NUDCD3: variants seen among roughly 807,000 people sequenced by gnomAD.
The protein encoded by NUDCD3 is NudC domain containing 3.
In NUDCD3, 13 loss-of-function variants were observed where a neutral mutation model predicts 39.7. The ratio of observed to expected loss-of-function variants is 0.33; its 90% CI spans 0.21 to 0.52. NUDCD3 has a LOEUF of 0.52. Among genes scored for constraint, NUDCD3 ranks in the 20% least tolerant of loss-of-function variants. NUDCD3 has a pLI of 0.96. For missense variants in NUDCD3, 453 were observed against 458.1 expected, an observed-to-expected ratio of 0.99 and a Z score of 0.10; for synonymous variants, 175 against 172.4, an observed-to-expected ratio of 1.02 and a Z score of -0.12.
rs150908966 is a variant in NUDCD3, at chr7:44,399,988, T to C, written c.786+4452A>G. Among the ~76,000 whole-genome samples, 1,055 of 152,240 alleles carry C rather than the reference T, an allele frequency of 6.9e-3. 33 individuals carry two copies. Among genetic ancestry groups the C allele is most frequent in the Admixed American group, 0.065 (989 of 15,286 alleles). On this transcript the variant is annotated intron_variant, in intron 4 of 5. Coordinates refer to ENST00000355451, the MANE Select transcript of NUDCD3 (RefSeq NM_015332.4). The stretch of plus-strand genomic sequence containing the variant: ...TGAAGAAGTGTATATGGAACGGCAT[T>C]CACCTCACATACAGCTACAACGACC...
chr7:44,480,920 C>G lies in NUDCD3; in HGVS notation c.509+4048G>C, dbSNP rs143288071. On this transcript the variant is annotated intron_variant, in intron 2 of 5. Transcript: ENST00000355451. ...TCATGTCACTGCATTCCAGTATGGGCAACAGAGCAAGACCCAGTATCAAAA... is the reference window on the plus strand; with the variant it reads ...TCATGTCACTGCATTCCAGTATGGGGAACAGAGCAAGACCCAGTATCAAAA... 6.1e-3 allele frequency among the ~76,000 whole-genome samples: 622 copies of G among 102,374 alleles called. 7 individuals are homozygous for G. The highest frequency in any genetic ancestry group is 0.023 in the African/African-American group (580 of 25,120). 67.2% of individuals were successfully genotyped at this position (102,374 alleles called of 152,430 possible).
intron 2 of NUDCD3, among the ~76,000 whole-genome samples, chr7:44,437,124 C>T (rs544326749): frequency 8.2e-4 from 114 of 139,238 alleles, no homozygotes; most frequent in Non-Finnish European, 8.4e-4. Flanking sequence ...GGCTGGAGTG[C>T]AATGGTGCGA....
intron 2 of NUDCD3, chr7:44,467,794 T>C (rs1298296994): frequency 1.3e-6 from 1 of 772,894 alleles, no homozygotes; most frequent in Non-Finnish European, 2.1e-6. Context: ...CTATTGTATA[T>C]AAGAAAAAAA....
At position 44,489,928 on chromosome 7, in the gene NUDCD3, A is replaced by G. The variant is rs539515537; in HGVS notation, c.192+481T>C. ...GGGTACGGAATTAAGCTCAAATAGA[A>G]ATTTTAATAAGCACTACATTGACAG... is the stretch of plus-strand genomic sequence containing the variant. On this transcript the variant is annotated intron_variant, in intron 1 of 5. Coordinates refer to ENST00000355451, the MANE Select transcript of NUDCD3 (RefSeq NM_015332.4). 2.0e-5 allele frequency: 3 copies of G among 153,122 alleles called. No homozygotes were observed. In the East Asian group the frequency reaches 5.8e-4, roughly 29 times the overall value. 9.5% of individuals were successfully genotyped at this position (153,122 alleles called of 1,614,324 possible). A position where few individuals can be genotyped will look rare whatever the true frequency, so the allele number is the denominator to read the frequency against.
intron 2 of NUDCD3, among the ~76,000 whole-genome samples, chr7:44,483,666 C>T (rs138710344): frequency 5.8e-4 from 88 of 152,294 alleles, no homozygotes; most frequent in Non-Finnish European, 8.4e-4. Flanking sequence ...ACTCTGCAAT[C>T]TTGCCCCTCC....
At position 44,427,559 on chromosome 7, in the gene NUDCD3, C is replaced by A; in HGVS notation, c.642+12G>T. 9.9e-6 allele frequency: 16 copies of A among 1,610,640 alleles called. No homozygotes were observed. The highest frequency in any genetic ancestry group is 1.4e-5 in the Non-Finnish European group (16 of 1,178,340). On this transcript the variant is annotated intron_variant, in intron 3 of 5. Coordinates refer to ENST00000355451, the MANE Select transcript of NUDCD3 (RefSeq NM_015332.4). Reference sequence around the variant, plus strand: ...GGTGAAGCCGCCCACCCCTACCCGCCAAGGCCATTACCTGCTTTCCCTTCA... The same window carrying A: ...GGTGAAGCCGCCCACCCCTACCCGCAAAGGCCATTACCTGCTTTCCCTTCA...
At chr7:44,397,795 C>G (rs1022043779) in intron 4 of NUDCD3, among the ~76,000 whole-genome samples, 14 of 151,980 alleles carry the variant, frequency 9.2e-5, no homozygotes, top group African/African-American at 3.1e-4. Context: ...TTCATCTTGG[C>G]CCTTTGTCCT....
intron 2 of NUDCD3, among the ~76,000 whole-genome samples, chr7:44,441,416 C>T (rs939735469): frequency 1.6e-4 from 24 of 151,956 alleles, no homozygotes; most frequent in African/African-American, 5.1e-4. Context: ...CAAGAACCAC[C>T]CAGTCTTCCA....
chr7:44,480,879 C>T (rs1018715933), intron 2 of NUDCD3, among the ~76,000 whole-genome samples: 13 of 137,996 alleles, frequency 9.4e-5, no homozygotes, highest in Admixed American at 2.4e-4. Flanking sequence ...AAGGCAGAGG[C>T]TGCAGTGAGC....
At chr7:44,388,600 G>C (rs1241782980) in intron 5 of NUDCD3, among the ~76,000 whole-genome samples, 1 of 152,228 alleles carries the variant, frequency 6.6e-6, no homozygotes, top group African/African-American at 2.4e-5. Flanking sequence ...TGAGACTTTA[G>C]CATCAGCACC....
intron 3 of NUDCD3, among the ~76,000 whole-genome samples, chr7:44,425,122 T>C (rs911663174): frequency 6.6e-6 from 1 of 151,780 alleles, no homozygotes; most frequent in African/African-American, 2.4e-5. Flanking sequence ...GAGGGGAACA[T>C]CATACACCAG....
intron 3 of NUDCD3, among the ~76,000 whole-genome samples, chr7:44,408,980 A>C (rs1278219294): frequency 6.6e-6 from 1 of 152,166 alleles, no homozygotes; most frequent in Non-Finnish European, 1.5e-5. Context: ...CCTTCCTCCC[A>C]ACCCAGGAGT....
intron 2 of NUDCD3, among the ~76,000 whole-genome samples, chr7:44,478,006 T>C (rs988467839): frequency 2.0e-5 from 3 of 152,004 alleles, no homozygotes; most frequent in African/African-American, 7.2e-5. Context: ...GTTAATTTTT[T>C]GTATTTTTAT....
intron 2 of NUDCD3, among the ~76,000 whole-genome samples, chr7:44,455,823 G>A (rs111778508): frequency 6.6e-6 from 1 of 151,498 alleles, no homozygotes; most frequent in Non-Finnish European, 1.5e-5. Flanking sequence ...TCAGGAGATC[G>A]AGACCATCCC....
chr7:44,421,587 T>C (rs887881669), intron 3 of NUDCD3, among the ~76,000 whole-genome samples: 2 of 150,706 alleles, frequency 1.3e-5, no homozygotes, highest in Non-Finnish European at 2.9e-5. Flanking sequence ...CATTACATAA[T>C]GGTAAAGGGA....
At chr7:44,395,476 A>T (rs532830881) in intron 4 of NUDCD3, among the ~76,000 whole-genome samples, 1 of 152,234 alleles carries the variant, frequency 6.6e-6, no homozygotes, top group African/African-American at 2.4e-5. Flanking sequence ...GTGCACAACC[A>T]TCACCTTTAT....
chr7:44,416,449 G>A (rs574047570), intron 3 of NUDCD3, among the ~76,000 whole-genome samples: 6 of 151,356 alleles, frequency 4.0e-5, no homozygotes, highest in South Asian at 2.1e-4. Context: ...CCAAGATGGC[G>A]CCACCGCACT....
At chr7:44,478,078 C>A (rs1309251111) in intron 2 of NUDCD3, among the ~76,000 whole-genome samples, 1 of 152,092 alleles carries the variant, frequency 6.6e-6, no homozygotes, top group East Asian at 1.9e-4. Context: ...AAATGATCAG[C>A]CGGCCTCGGC....
At chr7:44,460,834 T>C (rs1326442297) in intron 2 of NUDCD3, among the ~76,000 whole-genome samples, 1 of 152,208 alleles carries the variant, frequency 6.6e-6, no homozygotes, top group Non-Finnish European at 1.5e-5. Flanking sequence ...TATAAAACAT[T>C]ACTCCAAATG....
Sources: gnomAD v4.1 joint callset for allele counts (sites outside exome capture counted in the v4.1 genomes callset) on GRCh38, gnomAD v4.1.1 for gene constraint, MANE v1.5 for transcripts, NCBI Gene and HGNC (gene_info 2026-07-23, HGNC 2026-07-21) for gene names.